Variants in HDGF observed in about 807,000 individuals in gnomAD.
HDGF encodes heparin binding growth factor.
In HDGF, 5 loss-of-function variants were observed where a neutral mutation model predicts 30.0. The ratio of observed to expected loss-of-function variants is 0.17; its 90% CI spans 0.09 to 0.35. The LOEUF is 0.35. Ranked by LOEUF, HDGF falls within the 10% of genes least tolerant of loss-of-function variation. The probability of loss-of-function intolerance (pLI) is 1.00; values close to 1 mark genes in which losing one functional copy is unlikely to be tolerated. For synonymous variants in HDGF, 133 were observed against 112.7 expected, an observed-to-expected ratio of 1.18 and a Z score of -1.14; for missense variants, 214 against 302.8, an observed-to-expected ratio of 0.71 and a Z score of 2.18.
At chr1:156,750,641 C>T (rs1255324253) in intron 1 of HDGF, 11 of 152,294 alleles carry the variant, frequency 7.2e-5, no homozygotes. Flanking sequence ...GAATCTGCCA[C>T]CTCAATCCTA....
upstream of HDGF, among the ~76,000 whole-genome samples, chr1:156,752,762 C>T (rs1651055335): frequency 6.6e-6 from 1 of 152,164 alleles, no homozygotes; most frequent in South Asian, 2.1e-4. Context: ...ATTCCAGACA[C>T]CTATGTTCCC....
At chr1:156,747,507 CTCT>C (rs1176607793) in intron 1 of HDGF, 1 of 151,962 alleles carries the variant, frequency 6.6e-6, no homozygotes, top group Non-Finnish European at 1.5e-5. Context: ...TCCCATCCTC[CTCT>C]TAACAGGGGG....
intron 3 of HDGF, among the ~76,000 whole-genome samples, chr1:156,744,748 A>G (rs1004485277): frequency 1.3e-5 from 2 of 151,492 alleles, no homozygotes; most frequent in Admixed American, 6.6e-5. Flanking sequence ...AGGCCCAACA[A>G]AGGCCTGTCC....
chr1:156,749,558 A>T (rs1650825384), intron 1 of HDGF, among the ~76,000 whole-genome samples: 2 of 152,224 alleles, frequency 1.3e-5, no homozygotes, highest in South Asian at 4.1e-4. Context: ...TAAAAGGTCC[A>T]GGCCTCAACA....
At chr1:156,744,095 C>T in intron 4 of HDGF, 68 bp downstream of exon 4, 1 of 1,535,670 alleles carries the variant, frequency 6.5e-7, no homozygotes, top group Non-Finnish European at 9.0e-7. Flanking sequence ...GAGGCAAAGC[C>T]CTGCTCCTGT....
rs950255809 is a variant in HDGF at position 156,751,235 on chromosome 1, C to T, written c.87+108G>A. 4 of 1,325,822 alleles carry T rather than the reference C, an allele frequency of 3.0e-6. No homozygotes were observed. Among genetic ancestry groups the T allele is most frequent in the African/African-American group, 3.1e-5 (2 of 64,850 alleles). 82.1% of individuals were successfully genotyped at this position (1,325,822 alleles called of 1,614,324 possible). A position where few individuals can be genotyped will look rare whatever the true frequency, so the allele number is the denominator to read the frequency against. On this transcript the variant is annotated intron_variant, in intron 1 of 5. Transcript: ENST00000357325. The surrounding 1 kb of genome is among the most constrained non-coding windows in gnomAD (Gnocchi z 4.7). ...AGAGAAAGAGCCGGAGACCTACAAG[C>T]CCCCTGCCCCCACCTCTGCCCGCTC... is the stretch of plus-strand genomic sequence containing the variant.
Position 156,765,423 on chromosome 1 carries a change from TTCTC to T in HDGF, n.136+1363_136+1366del, listed in dbSNP as rs1179853476. 5.8e-5 allele frequency among the ~76,000 whole-genome samples: 8 copies of T among 138,466 alleles called. No homozygotes were observed. The East Asian group carries it at 1.2e-3, about 21-fold the overall frequency. 90.8% of individuals were successfully genotyped at this position (138,466 alleles called of 152,430 possible). On this transcript the variant is annotated intron_variant and non_coding_transcript_variant, in intron 1 of 7. Coordinates refer to the HDGF transcript ENST00000465180. ...TATCCATTTTTCTTTCTTTCTTTCTTTCTCTTTCTTTCTTTCCTTTCTTTCCTTC... is the reference window on the plus strand; with the variant it reads ...TATCCATTTTTCTTTCTTTCTTTCTTTTTCTTTCTTTCCTTTCTTTCCTTC...
upstream of HDGF, chr1:156,752,233 T>TGG (rs776848216): frequency 7.7e-6 from 12 of 1,551,672 alleles, no homozygotes; most frequent in East Asian, 7.3e-5. Context: ...GCTTACCGTA[T>TGG]GGGGGGTGGC....
intron 1 of HDGF, among the ~76,000 whole-genome samples, chr1:156,761,377 G>A (rs1443417083): frequency 1.3e-5 from 2 of 151,862 alleles, no homozygotes; most frequent in Admixed American, 1.3e-4. Flanking sequence ...GGGAGGCTGA[G>A]GCCAGCGGAT....
upstream of HDGF, chr1:156,752,030 G>T (rs1306558878): frequency 6.4e-6 from 10 of 1,550,570 alleles, no homozygotes; most frequent in Admixed American, 1.8e-4. Context: ...ACTCCGCGGA[G>T]CGCTCACCAC....
intron 1 of HDGF, among the ~76,000 whole-genome samples, chr1:156,765,787 TTCAAAGGAGGAAAGTGAGAC>T (rs1203923794): frequency 6.6e-6 from 1 of 152,134 alleles, no homozygotes; most frequent in Non-Finnish European, 1.5e-5. Flanking sequence ...TTATCCATTT[TTCAAAGGAGGAAAGTGAGAC>T]TCAGAGAAGA....
Position 156,758,254 on chromosome 1 carries a change from C to T in HDGF, n.373+729G>A, listed in dbSNP as rs560623294. ...CAGAGGTTGCAGTGAGCCGAGATTGCGCCACTGCACTCCAGCCTGGGCGAC... is the reference window on the plus strand; with the variant it reads ...CAGAGGTTGCAGTGAGCCGAGATTGTGCCACTGCACTCCAGCCTGGGCGAC... On this transcript the variant is annotated intron_variant and non_coding_transcript_variant, in intron 2 of 7. Coordinates refer to the HDGF transcript ENST00000465180. 7.3e-5 allele frequency among the ~76,000 whole-genome samples: 11 copies of T among 150,830 alleles called. No individual in the cohort carries two copies. In the South Asian group the frequency reaches 1.5e-3, roughly 20 times the overall value.
chr1:156,747,263 C>CCCCT (rs1650640366), intron 1 of HDGF, among the ~76,000 whole-genome samples: 1 of 71,834 alleles, frequency 1.4e-5, no homozygotes, highest in African/African-American at 5.1e-5. Flanking sequence ...CCCCCCCCCC[C>CCCCT]GCCCCGCCGC....
chr1:156,745,311 G>T lies in HDGF; in HGVS notation c.150C>A (p.Phe50Leu). The T allele has an allele frequency of 6.2e-7, 1 of 1,612,496 alleles. No homozygotes were observed. Residue 50 changes from phenylalanine (F) to leucine (L), a missense_variant, in exon 2 of 6, where the codon TTC becomes TTA. By Grantham distance (22) the Phe-to-Leu change is conservative. This residue lies in a region of HDGF where 38 missense variants were observed against 91.1 expected (regional missense o/e 0.42). Coordinates refer to ENST00000357325, the MANE Select transcript of HDGF (RefSeq NM_004494.3). ...STANKYQVFFFGTHETAFLGP... is the reference protein window; with the variant it reads ...STANKYQVFFLGTHETAFLGP... The stretch of plus-strand genomic sequence containing the variant: ...CCTCCACTCACGTCTCGTGGGTCCC[G>T]AAAAAAAAGACTTGGTATTTGTTGG...
In HDGF at chr1:156,744,357, G is replaced by A. The variant is rs773920407; in HGVS notation, c.304-9C>T. 25 of 1,613,552 alleles carry A rather than the reference G, an allele frequency of 1.5e-5. No homozygotes were observed. The highest frequency in any genetic ancestry group is 4.0e-5 in the African/African-American group (3 of 74,892). ...CTCTTTTTCTGGGAGGACTGCAGCAGAGACAGCACAGGCTGAGTGGCACCA... is the reference window on the plus strand; with the variant it reads ...CTCTTTTTCTGGGAGGACTGCAGCAAAGACAGCACAGGCTGAGTGGCACCA... On this transcript the variant is annotated splice_polypyrimidine_tract_variant and intron_variant, in intron 3 of 5. Transcript: ENST00000357325.
At chr1:156,747,616 G>A (rs1245299745) in intron 1 of HDGF, 6 of 152,070 alleles carry the variant, frequency 3.9e-5, no homozygotes, top group Admixed American at 3.9e-4. Flanking sequence ...CCTTTCTTCT[G>A]TGGATCTGTG....
chr1:156,752,108 A>G, upstream of HDGF: 1 of 1,551,364 alleles, frequency 6.4e-7, no homozygotes, highest in Non-Finnish European at 8.7e-7. Context: ...CTCCATCTCA[A>G]TCCACAAATA....
intron 1 of HDGF, among the ~76,000 whole-genome samples, chr1:156,749,060 G>A (rs906872713): frequency 1.6e-4 from 24 of 152,334 alleles, no homozygotes; most frequent in Middle Eastern, 3.4e-3. Flanking sequence ...TTAGGCAGGC[G>A]GAAGAGGGAA....
chr1:156,760,372 A>C (rs1432941862), intron 1 of HDGF, among the ~76,000 whole-genome samples: 1 of 152,080 alleles, frequency 6.6e-6, no homozygotes, highest in Non-Finnish European at 1.5e-5. Context: ...TCTTTTCTCG[A>C]CTAATAATTA....
Sources: gnomAD v4.1 joint callset for allele counts (sites outside exome capture counted in the v4.1 genomes callset) on GRCh38, gnomAD v4.1.1 for gene constraint, gnomAD v4.1.1 regional missense constraint, Gnocchi (gnomAD v3.1) non-coding constraint, MANE v1.5 for transcripts, NCBI Gene and HGNC (gene_info 2026-07-23, HGNC 2026-07-21) for gene names.